The following YPEL2 variants were observed in gnomAD, a reference collection of about 807,000 sequenced individuals.
YPEL2 encodes the protein protein yippee-like 2.
A neutral mutation model predicts 19.1 loss-of-function variants in YPEL2; 2 were observed. The ratio of observed to expected loss-of-function variants is 0.10; its 90% CI spans 0.04 to 0.33. YPEL2 has a LOEUF of 0.33. Among genes scored for constraint, YPEL2 ranks in the 10% least tolerant of loss-of-function variants. The probability of loss-of-function intolerance (pLI) is 1.00; values close to 1 mark genes in which losing one functional copy is unlikely to be tolerated. For synonymous variants in YPEL2, 52 were observed against 50.0 expected (o/e 1.04, Z -0.17); for missense variants, 66 against 140.7 (o/e 0.47, Z 2.68).
intron 2 of YPEL2, among the ~76,000 whole-genome samples, chr17:59,381,947 C>T (rs931403653): frequency 6.6e-6 from 1 of 152,230 alleles, no homozygotes; most frequent in Admixed American, 6.5e-5. Context: ...CGGTACCACC[C>T]TCTCTCCAGG....
chr17:59,360,124 T>C (rs2047833147), intron 2 of YPEL2, among the ~76,000 whole-genome samples: 1 of 152,264 alleles, frequency 6.6e-6, no homozygotes, highest in African/African-American at 2.4e-5. Context: ...TTGCCCAGGC[T>C]GGAGTGCAGT....
chr17:59,391,967 T>A (rs1402829808), intron 4 of YPEL2, among the ~76,000 whole-genome samples: 1 of 151,852 alleles, frequency 6.6e-6, no homozygotes, highest in African/African-American at 2.4e-5. Context: ...TAGCCACAGC[T>A]TCCTATGGTT....
At chr17:59,388,176 C>A in intron 2 of YPEL2, 151 bp from the exon 3 acceptor site, 3 of 766,738 alleles carry the variant, frequency 3.9e-6, no homozygotes, top group South Asian at 1.5e-5. Context: ...TCCGCCCCCA[C>A]ACCATCTGCC....
chr17:59,340,253 C>T (rs1158821823), intron 1 of YPEL2, among the ~76,000 whole-genome samples: 1 of 151,904 alleles, frequency 6.6e-6, no homozygotes, highest in Non-Finnish European at 1.5e-5. Flanking sequence ...GGATTACAGG[C>T]ACCTGCCACT....
At chr17:59,337,529 T>C (rs796359272) in intron 1 of YPEL2, among the ~76,000 whole-genome samples, 11 of 152,268 alleles carry the variant, frequency 7.2e-5, no homozygotes, top group African/African-American at 2.6e-4. Flanking sequence ...TGAAAAGCTT[T>C]GCCTCTCCTG....
chr17:59,338,826 C>T (rs1431763411), intron 1 of YPEL2, among the ~76,000 whole-genome samples: 1 of 152,192 alleles, frequency 6.6e-6, no homozygotes, highest in Admixed American at 6.5e-5. Context: ...CTTAAGAATT[C>T]ATCGTCCTGC....
intron 1 of YPEL2, among the ~76,000 whole-genome samples, chr17:59,346,873 A>G (rs755471800): frequency 5.3e-5 from 8 of 152,142 alleles, no homozygotes; most frequent in Non-Finnish European, 8.8e-5. Context: ...GCCTGAAGGA[A>G]TGGCATCAGC....
intron 2 of YPEL2, among the ~76,000 whole-genome samples, chr17:59,358,039 C>T (rs1032511187): frequency 3.3e-5 from 5 of 152,086 alleles, no homozygotes; most frequent in Non-Finnish European, 5.9e-5. Flanking sequence ...TAAGGAATTT[C>T]TAGAATTATG....
At chr17:59,382,534 A>G (rs2047954844) in intron 2 of YPEL2, among the ~76,000 whole-genome samples, 1 of 152,234 alleles carries the variant, frequency 6.6e-6, no homozygotes, top group Non-Finnish European at 1.5e-5. Context: ...ATAAACTCCT[A>G]ATATATATGT....
At chr17:59,392,595 C>G (rs1401106469) in intron 4 of YPEL2, among the ~76,000 whole-genome samples, 3 of 150,226 alleles carry the variant, frequency 2.0e-5, no homozygotes, top group African/African-American at 7.4e-5. Context: ...ACTGCAACCT[C>G]CACCTCCTGG....
intron 1 of YPEL2, among the ~76,000 whole-genome samples, chr17:59,348,212 C>A (rs1416241076): frequency 6.6e-6 from 1 of 152,222 alleles, no homozygotes; most frequent in African/African-American, 2.4e-5. Flanking sequence ...TCTCAGACAC[C>A]CCATGGAAAC....
intron 4 of YPEL2, among the ~76,000 whole-genome samples, chr17:59,391,366 C>G (rs1384773713): frequency 6.6e-6 from 1 of 152,176 alleles, no homozygotes; most frequent in African/African-American, 2.4e-5. Context: ...TCTGTACTTT[C>G]TGCTCAATTT....
intron 1 of YPEL2, among the ~76,000 whole-genome samples, chr17:59,349,678 T>C (rs796453940): frequency 1.3e-5 from 2 of 151,740 alleles, no homozygotes; most frequent in African/African-American, 4.9e-5. Flanking sequence ...TTGTTTTGTT[T>C]TGAGACAGAA....
intron 1 of YPEL2, among the ~76,000 whole-genome samples, chr17:59,339,371 T>G (rs2047716150): frequency 6.6e-6 from 1 of 152,228 alleles, no homozygotes; most frequent in Admixed American, 6.5e-5. Context: ...AACTGCAGCC[T>G]TAAAGCTAAG....
At chr17:59,346,120 C>G (rs2047754687) in intron 1 of YPEL2, among the ~76,000 whole-genome samples, 2 of 152,172 alleles carry the variant, frequency 1.3e-5, no homozygotes, top group African/African-American at 4.8e-5. Context: ...GGCCTTCTCA[C>G]AATTCCACCT....
chr17:59,346,211 A>G (rs111851219), intron 1 of YPEL2, among the ~76,000 whole-genome samples: 2,875 of 152,304 alleles, frequency 0.019, 106 homozygotes, highest in African/African-American at 0.065. Flanking sequence ...GCCTCCAGCC[A>G]GGGCTGCTTT....
In YPEL2 at chr17:59,353,367, C is replaced by T. The variant is rs1408778200; in HGVS notation, c.-43C>T. ...CGTGCGACCCATCCTGTGGGAGTGC[C>T]TCGTGGGCTGCCCCAGAGTTCACCC... On this transcript the variant is annotated 5_prime_UTR_variant, in exon 2 of 5. Coordinates refer to ENST00000312655, the MANE Select transcript of YPEL2 (RefSeq NM_001005404.4). This position sits in a 1 kb window ranked among gnomAD's most constrained non-coding sequence, Gnocchi z 4.8. 1.4e-6 allele frequency: 2 copies of T among 1,455,904 alleles called. No individual in the cohort carries two copies. Among genetic ancestry groups the T allele is most frequent in the Non-Finnish European group, 9.4e-7 (1 of 1,064,636 alleles). The allele number at this position is 1,455,904 out of a possible 1,614,324, so 90.2% of individuals were successfully genotyped here. A position where few individuals can be genotyped will look rare whatever the true frequency, so the allele number is the denominator to read the frequency against.
rs1262086977 is a variant in YPEL2, at chr17:59,398,294, A to T, written c.*1104A>T. Reference sequence around the variant, plus strand: ...TCGGTTTTACAGTGGCTTCCGTGGGATCGTCAATTTCTTGTTCTTAGAGTT... The same window carrying T: ...TCGGTTTTACAGTGGCTTCCGTGGGTTCGTCAATTTCTTGTTCTTAGAGTT... On this transcript the variant is annotated 3_prime_UTR_variant, in exon 5 of 5. Transcript: ENST00000312655. The T allele has an allele frequency of 6.6e-6, 1 of 152,094 alleles. No homozygotes were observed. Among genetic ancestry groups the T allele is most frequent in the African/African-American group, 2.4e-5 (1 of 41,384 alleles). The allele number at this position is 152,094 out of a possible 1,614,324, so 9.4% of individuals were successfully genotyped here.
intron 2 of YPEL2, among the ~76,000 whole-genome samples, chr17:59,383,595 AAAAAAAAAAAAAAAATAT>A (rs2047962535): frequency 6.7e-4 from 36 of 53,860 alleles, no homozygotes; most frequent in Admixed American, 7.1e-4. Context: ...AAAAAAAAAA[AAAAAAAAAAAAAAAATAT>A]ATATATATAT....
Sources: allele counts gnomAD v4.1 joint callset (sites outside exome capture counted in the v4.1 genomes callset), GRCh38; gene constraint gnomAD v4.1.1; non-coding constraint Gnocchi (gnomAD v3.1); transcripts MANE v1.5; gene names NCBI Gene and HGNC (gene_info 2026-07-23, HGNC 2026-07-21).